Variants in ADAMTSL3 observed in about 807,000 individuals in gnomAD.
ADAMTSL3 encodes ADAMTS like 3.
In ADAMTSL3, 128 loss-of-function variants were observed where a neutral mutation model predicts 201.7. That is an observed-to-expected ratio of 0.63 (90% confidence interval 0.55 to 0.73). The LOEUF (loss-of-function observed/expected upper bound fraction) is 0.73, where lower values mean the gene tolerates loss of function less well. Among genes scored for constraint, ADAMTSL3 ranks in the 30% least tolerant of loss-of-function variants. The pLI is 0.00. For synonymous variants in ADAMTSL3, 738 were observed against 748.4 expected, an observed-to-expected ratio of 0.99 and a Z score of 0.23; for missense variants, 1,990 against 2,119.6, an observed-to-expected ratio of 0.94 and a Z score of 1.20.
Position 83,761,199 on chromosome 15 carries a change from T to C in ADAMTSL3, c.190-12324T>C, listed in dbSNP as rs571398021. ...TGACTTATCAAAGTCGAATATTAAT[T>C]GGTTCTTTTATCTTCTTCATGGATG... On this transcript the variant is annotated intron_variant, in intron 3 of 29. Coordinates refer to ENST00000286744, the MANE Select transcript of ADAMTSL3 (RefSeq NM_207517.3). 5.9e-5 allele frequency among the ~76,000 whole-genome samples: 9 copies of C among 152,264 alleles called. No homozygotes were observed. In the East Asian group the frequency reaches 1.7e-3, roughly 29 times the overall value.
intron 2 of ADAMTSL3, among the ~76,000 whole-genome samples, chr15:83,695,135 A>G (rs72761838): frequency 0.39 from 43,664 of 112,066 alleles, 6,807 homozygotes; most frequent in South Asian, 0.58. Context: ...GTGGGGGTAT[A>G]TTTGTGGTGT....
At chr15:83,797,568 T>C (rs536785166) in intron 4 of ADAMTSL3, among the ~76,000 whole-genome samples, 1,942 of 152,186 alleles carry the variant, frequency 0.013, 13 homozygotes, top group Non-Finnish European at 0.022. Context: ...ACCACTGCAC[T>C]CCAGCCTATG....
At chr15:83,843,373 C>T (rs765627878) in intron 7 of ADAMTSL3, among the ~76,000 whole-genome samples, 1 of 152,096 alleles carries the variant, frequency 6.6e-6, no homozygotes, top group Non-Finnish European at 1.5e-5. Context: ...TATCAGGTTC[C>T]GTATGCATGC....
intron 3 of ADAMTSL3, among the ~76,000 whole-genome samples, chr15:83,706,346 A>G (rs1029164393): frequency 2.3e-4 from 35 of 152,208 alleles, no homozygotes; most frequent in African/African-American, 7.0e-4. Flanking sequence ...TCTAAAGCAG[A>G]TCTGAAAAGT....
intron 3 of ADAMTSL3, among the ~76,000 whole-genome samples, chr15:83,719,127 G>A (rs915067620): frequency 6.6e-6 from 1 of 152,164 alleles, no homozygotes; most frequent in Admixed American, 6.5e-5. Flanking sequence ...ACCCATGTAG[G>A]ATTCTTGCCT....
At position 83,926,919 on chromosome 15, in the gene ADAMTSL3, C is replaced by G. The variant is rs371934323; in HGVS notation, c.2117+2886C>G. On this transcript the variant is annotated intron_variant, in intron 17 of 29. Coordinates refer to ENST00000286744, the MANE Select transcript of ADAMTSL3 (RefSeq NM_207517.3). ...GGCATAAGCCACCGCACCTGGCCACCAACAACATTCTTTATCAAAATAGTT... is the reference window on the plus strand; with the variant it reads ...GGCATAAGCCACCGCACCTGGCCACGAACAACATTCTTTATCAAAATAGTT... 2.0e-5 allele frequency among the ~76,000 whole-genome samples: 3 copies of G among 151,490 alleles called. No homozygotes were observed. In the East Asian group the frequency reaches 6.0e-4, roughly 30 times the overall value.
At chr15:83,713,936 A>G (rs1182292951) in intron 3 of ADAMTSL3, among the ~76,000 whole-genome samples, 2 of 152,056 alleles carry the variant, frequency 1.3e-5, no homozygotes, top group Admixed American at 6.6e-5. Flanking sequence ...TGGAGTTTTA[A>G]CACTCTGGAG....
At chr15:83,872,297 C>T (rs1036149393) in intron 9 of ADAMTSL3, among the ~76,000 whole-genome samples, 1 of 151,958 alleles carries the variant, frequency 6.6e-6, no homozygotes, top group Non-Finnish European at 1.5e-5. Context: ...TGGTCCACAC[C>T]ACTGTGTATT....
chr15:83,974,998 C>CTTTTTTTTTTTTTTTTTTTTTTTTTTTT (rs35557833), intron 20 of ADAMTSL3, among the ~76,000 whole-genome samples: 1 of 96,150 alleles, frequency 1.0e-5, no homozygotes, highest in Non-Finnish European at 2.0e-5. Flanking sequence ...CAGCCTGCGT[C>CTTTTTTTTTTTTTTTTTTTTTTTTTTTT]TTTTTTTTTT....
At chr15:83,871,592 GATGTTCT>G (rs1265570292) in intron 9 of ADAMTSL3, among the ~76,000 whole-genome samples, 3 of 152,102 alleles carry the variant, frequency 2.0e-5, no homozygotes, top group Admixed American at 6.5e-5. Flanking sequence ...TGCTTCCCCA[GATGTTCT>G]ATGACAGATA....
chr15:83,946,591 C>T (rs571711992), intron 19 of ADAMTSL3, among the ~76,000 whole-genome samples: 1 of 152,290 alleles, frequency 6.6e-6, no homozygotes, highest in South Asian at 2.1e-4. Flanking sequence ...GAGCTCTAAG[C>T]AAGTAAATAC....
rs139785546 is a variant in ADAMTSL3, at chr15:83,890,399, A to C, written c.1211+152A>C. On this transcript the variant is annotated intron_variant, in intron 11 of 29. Transcript: ENST00000286744. ...ACATTCACATTTGTAACTATGGTGC[A>C]TAGGAATTAGGACACATTCATTAGG... is the stretch of plus-strand genomic sequence containing the variant. The C allele has an allele frequency of 5.9e-4, 581 of 988,222 alleles. 1 individual carries two copies. In the Middle Eastern group the frequency reaches 0.011, roughly 19 times the overall value. 61.2% of individuals were successfully genotyped at this position (988,222 alleles called of 1,614,324 possible).
At chr15:83,969,861 T>G (rs1374355879) in intron 19 of ADAMTSL3, among the ~76,000 whole-genome samples, 1 of 152,208 alleles carries the variant, frequency 6.6e-6, no homozygotes, top group Non-Finnish European at 1.5e-5. Flanking sequence ...CAAAATTTAT[T>G]AAGAAGGTAG....
At chr15:83,985,426 A>C (rs781065816) in intron 21 of ADAMTSL3, among the ~76,000 whole-genome samples, 28 of 152,092 alleles carry the variant, frequency 1.8e-4, no homozygotes, top group Admixed American at 5.9e-4. Flanking sequence ...TTTAAATCAT[A>C]GTGTGGACTT....
At chr15:83,864,174 T>C (rs2064926700) in intron 8 of ADAMTSL3, among the ~76,000 whole-genome samples, 1 of 152,222 alleles carries the variant, frequency 6.6e-6, no homozygotes, top group Non-Finnish European at 1.5e-5. Flanking sequence ...AGCTGAATTC[T>C]ACCAGAAGTA....
At chr15:83,858,124 A>T (rs888751548) in intron 7 of ADAMTSL3, among the ~76,000 whole-genome samples, 1 of 152,202 alleles carries the variant, frequency 6.6e-6, no homozygotes, top group Non-Finnish European at 1.5e-5. Context: ...GGTCTTCATT[A>T]CTACAACTCA....
At chr15:83,810,703 G>A (rs1333268482) in intron 5 of ADAMTSL3, among the ~76,000 whole-genome samples, 1 of 152,016 alleles carries the variant, frequency 6.6e-6, no homozygotes, top group Non-Finnish European at 1.5e-5. Flanking sequence ...AGTCTTCAAA[G>A]CCAGCAATGC....
intron 3 of ADAMTSL3, among the ~76,000 whole-genome samples, chr15:83,709,517 A>C (rs763322958): frequency 2.0e-5 from 3 of 152,128 alleles, no homozygotes; most frequent in Non-Finnish European, 2.9e-5. Context: ...GTCACTGCAC[A>C]TGGTTCTTTT....
intron 19 of ADAMTSL3, among the ~76,000 whole-genome samples, chr15:83,955,765 G>A (rs1416008691): frequency 2.0e-5 from 3 of 152,124 alleles, no homozygotes; most frequent in African/African-American, 7.2e-5. Flanking sequence ...CACTGTCTGT[G>A]GCTGAGCTTG....
Sources: allele counts gnomAD v4.1 joint callset (sites outside exome capture counted in the v4.1 genomes callset), GRCh38; gene constraint gnomAD v4.1.1; transcripts MANE v1.5; gene names NCBI Gene and HGNC (gene_info 2026-07-23, HGNC 2026-07-21).